DOCK4: variants seen among roughly 807,000 people sequenced by gnomAD.
DOCK4 encodes dedicator of cytokinesis 4, also known as dedicator of cytokinesis protein 4.
In DOCK4, 97 loss-of-function variants were observed where a neutral mutation model predicts 268.1. The observed-to-expected ratio is 0.36, with a 90% confidence interval of 0.31 to 0.43. The LOEUF is 0.43. Among genes scored for constraint, DOCK4 ranks in the 20% least tolerant of loss-of-function variants. DOCK4 has a pLI of 1.00. For missense variants in DOCK4, 2,145 were observed against 2,455.7 expected (o/e 0.87, Z 2.67); for synonymous variants, 954 against 887.2 (o/e 1.08, Z -1.34).
chr7:112,109,073 T>C (rs923744983), intron 1 of DOCK4, among the ~76,000 whole-genome samples: 2 of 152,068 alleles, frequency 1.3e-5, no homozygotes, highest in Non-Finnish European at 2.9e-5. Context: ...CCTCTCTTGA[T>C]GGATTTATCT....
chr7:111,850,921 C>T (rs888436323), intron 23 of DOCK4, among the ~76,000 whole-genome samples: 1 of 152,124 alleles, frequency 6.6e-6, no homozygotes, highest in African/African-American at 2.4e-5. Context: ...CACACGGACG[C>T]GTGTAACACT....
chr7:112,078,272 C>G (rs1808261659), intron 1 of DOCK4, among the ~76,000 whole-genome samples: 1 of 152,108 alleles, frequency 6.6e-6, no homozygotes, highest in Non-Finnish European at 1.5e-5. Context: ...CCTCTTTTGT[C>G]TCACTACACT....
intron 42 of DOCK4, among the ~76,000 whole-genome samples, chr7:111,750,904 AC>A (rs545700384): frequency 1.4e-4 from 21 of 152,316 alleles, no homozygotes; most frequent in Non-Finnish European, 2.8e-4. Context: ...AACCAACCAA[AC>A]AAAAACCCCT....
chr7:111,998,372 A>G, intron 4 of DOCK4, 76 bp downstream of exon 4: 2 of 1,161,978 alleles, frequency 1.7e-6, no homozygotes, highest in South Asian at 3.1e-5. Context: ...CAAGACAATT[A>G]CTATGCCTTT....
intron 1 of DOCK4, among the ~76,000 whole-genome samples, chr7:112,056,014 T>A (rs1805784267): frequency 6.6e-6 from 1 of 152,030 alleles, no homozygotes; most frequent in African/African-American, 2.4e-5. Flanking sequence ...AGAAGCACAA[T>A]GATACCTAAT....
At chr7:111,780,957 A>G (rs538709274) in intron 35 of DOCK4, among the ~76,000 whole-genome samples, 1 of 152,202 alleles carries the variant, frequency 6.6e-6, no homozygotes, top group Admixed American at 6.5e-5. Context: ...AGCTATCAGG[A>G]TAATGTCTCA....
At chr7:111,794,487 G>T (rs1415970532) in intron 30 of DOCK4, among the ~76,000 whole-genome samples, 1 of 152,214 alleles carries the variant, frequency 6.6e-6, no homozygotes, top group Non-Finnish European at 1.5e-5. Flanking sequence ...GACAAGAGAG[G>T]AGCTGACTAA....
intron 31 of DOCK4, 45 bp from the exon 32 acceptor site, chr7:111,788,792 T>C (rs757397962): frequency 1.1e-5 from 16 of 1,457,498 alleles, no homozygotes; most frequent in Non-Finnish European, 1.5e-5. Flanking sequence ...CCTTCACAAG[T>C]AGGATTTCTA....
At chr7:112,087,281 T>C (rs1809178882) in intron 1 of DOCK4, among the ~76,000 whole-genome samples, 1 of 152,126 alleles carries the variant, frequency 6.6e-6, no homozygotes, top group Non-Finnish European at 1.5e-5. Context: ...ATGTAGGCCA[T>C]CTCTTCTTCA....
intron 31 of DOCK4, among the ~76,000 whole-genome samples, chr7:111,789,766 A>T (rs1769802658): frequency 6.6e-6 from 1 of 152,192 alleles, no homozygotes; most frequent in Admixed American, 6.5e-5. Context: ...CTGGAGAAAC[A>T]TGAGGAAGGG....
chr7:111,749,470 T>C (rs1796490622), intron 42 of DOCK4, among the ~76,000 whole-genome samples: 1 of 152,102 alleles, frequency 6.6e-6, no homozygotes, highest in Admixed American at 6.6e-5. Flanking sequence ...ACTGCACACA[T>C]AAAAATGGTT....
chr7:111,805,190 T>G (rs1461332104), intron 30 of DOCK4, among the ~76,000 whole-genome samples: 1 of 152,162 alleles, frequency 6.6e-6, no homozygotes, highest in Non-Finnish European at 1.5e-5. Context: ...CTCATAGAAC[T>G]AGGGCTGAAG....
intron 27 of DOCK4, among the ~76,000 whole-genome samples, chr7:111,816,082 C>T (rs1409262543): frequency 1.3e-5 from 2 of 152,098 alleles, no homozygotes; most frequent in Admixed American, 1.3e-4. Context: ...TTATGGTTTT[C>T]CAGTTGCCAC....
At chr7:111,830,585 C>A (rs1172954027) in intron 26 of DOCK4, among the ~76,000 whole-genome samples, 2 of 152,100 alleles carry the variant, frequency 1.3e-5, no homozygotes, top group Non-Finnish European at 2.9e-5. Context: ...AATTCTGTCC[C>A]TTCCTGCTGC....
intron 1 of DOCK4, among the ~76,000 whole-genome samples, chr7:112,022,476 G>A (rs1054102359): frequency 6.6e-6 from 1 of 152,208 alleles, no homozygotes; most frequent in Non-Finnish European, 1.5e-5. Context: ...CAGAGTAGCG[G>A]TGAGGAGCAT....
intron 10 of DOCK4, among the ~76,000 whole-genome samples, chr7:111,941,716 G>A (rs1279884518): frequency 6.6e-6 from 1 of 151,622 alleles, no homozygotes. Flanking sequence ...TTACACAAGG[G>A]CATGCACACA....
At position 111,728,575 on chromosome 7, in the gene DOCK4, T is replaced by C; in HGVS notation, c.5627A>G (p.Asn1876Ser). 1 of 1,613,966 alleles carries C rather than the reference T, an allele frequency of 6.2e-7. No individual in the cohort carries two copies. Among genetic ancestry groups the C allele is most frequent in the African/African-American group, 1.3e-5 (1 of 75,046 alleles). Residue 1876 changes from asparagine to serine, a missense_variant, in exon 53 of 53, where the codon AAT becomes AGT. By Grantham distance (46) the Asn-to-Ser change is conservative (BLOSUM62 1). This residue lies in a region of DOCK4 where 547 missense variants were observed against 469.0 expected (regional missense o/e 1.17). Coordinates refer to ENST00000428084, the MANE Select transcript of DOCK4 (RefSeq NM_001363540.2). ...CSTSETSGFE[N>S]QVNEQSAPLP... ...GGGGGCCGACTGTTCATTCACCTGA[T>C]TTTCAAAGCCTGAGGTTTCCGACGT...
intron 36 of DOCK4, among the ~76,000 whole-genome samples, chr7:111,775,143 G>C (rs1006608181): frequency 1.3e-5 from 2 of 152,220 alleles, no homozygotes; most frequent in African/African-American, 4.8e-5. Flanking sequence ...TTATTTGAGG[G>C]AGGCTAGAAA....
chr7:111,807,068 G>A (rs1800729819), intron 30 of DOCK4, among the ~76,000 whole-genome samples: 1 of 152,174 alleles, frequency 6.6e-6, no homozygotes. Flanking sequence ...TTGGATACAG[G>A]TTTATGTGGA....
Sources: allele counts gnomAD v4.1 joint callset (sites outside exome capture counted in the v4.1 genomes callset), GRCh38; gene constraint gnomAD v4.1.1; regional missense constraint gnomAD v4.1.1; transcripts MANE v1.5; gene names NCBI Gene and HGNC (gene_info 2026-07-23, HGNC 2026-07-21).